XIRP2: variants seen among roughly 807,000 people sequenced by gnomAD.
The protein encoded by XIRP2 is xin actin-binding repeat-containing protein 2.
A neutral mutation model predicts 277.0 loss-of-function variants in XIRP2; 236 were observed. The observed-to-expected ratio is 0.85, with a 90% CI of 0.77 to 0.95. The LOEUF is 0.95. XIRP2 is among the 40% of genes least tolerant of loss of function. The pLI is 0.00. For synonymous variants in XIRP2, 1,490 were observed against 1,416.5 expected (o/e 1.05, Z -1.17); for missense variants, 4,640 against 4,157.5 (o/e 1.12, Z -3.19).
chr2:167,247,720 G>A lies in XIRP2; in HGVS notation c.6328G>A (p.Val2110Ile), dbSNP rs774699070. 4.3e-6 allele frequency: 7 copies of A among 1,613,624 alleles called. No homozygotes were observed. In the South Asian group the frequency reaches 6.6e-5, roughly 15 times the overall value. Residue 2110 changes from valine to isoleucine, a missense_variant, in exon 9 of 11, where the codon GTC (valine) becomes ATC (isoleucine). Physicochemically the swap from Val to Ile is conservative, Grantham distance 29 (BLOSUM62 3). Transcript: ENST00000409195. ...RAVRELKKDD[V>I]FNSIQSAGKT... is the part of the protein sequence containing the mutation. Reference sequence around the variant, plus strand: ...AGTGAGAGAGCTGAAGAAGGATGATGTCTTTAATTCCATCCAATCTGCTGG... The same window carrying A: ...AGTGAGAGAGCTGAAGAAGGATGATATCTTTAATTCCATCCAATCTGCTGG...
intron 1 of XIRP2, among the ~76,000 whole-genome samples, chr2:166,897,827 A>G (rs1438878992): frequency 6.6e-6 from 1 of 152,094 alleles, no homozygotes; most frequent in Admixed American, 6.6e-5. Context: ...TGGCAAGGCC[A>G]TGCAGTGGGG....
Position 167,248,677 on chromosome 2 carries a change from C to G in XIRP2, c.7285C>G (p.Leu2429Val). The G allele has an allele frequency of 1.2e-6, 2 of 1,613,746 alleles. No homozygotes were observed. Among genetic ancestry groups the G allele is most frequent in the Non-Finnish European group, 1.7e-6 (2 of 1,179,832 alleles). Reference sequence around the variant, plus strand: ...ACCTCCCACATTGCCCAAACCCAAACTTCCCAAGCATATAAAAGATAATAA... The same window carrying G: ...ACCTCCCACATTGCCCAAACCCAAAGTTCCCAAGCATATAAAAGATAATAA... ...LPPPTLPKPK[L>V]PKHIKDNKND... The change falls in exon 9 of 11, where the codon CTT becomes GTT. Residue 2429 changes from leucine (L) to valine (V), a missense_variant. Coordinates refer to ENST00000409195, the MANE Select transcript of XIRP2 (RefSeq NM_152381.6).
chr2:167,057,374 T>A (rs11896999), intron 2 of XIRP2, among the ~76,000 whole-genome samples: 6,844 of 152,124 alleles, frequency 0.045, 268 homozygotes, highest in African/African-American at 0.1. Flanking sequence ...CCAAGTGAAT[T>A]TGTGAGCAGA....
In XIRP2 at chr2:167,250,642, G is replaced by A. The variant is rs1695457724; in HGVS notation, c.9250G>A (p.Val3084Ile). 1 of 1,613,466 alleles carries A rather than the reference G, an allele frequency of 6.2e-7. No homozygotes were observed. The highest frequency in any genetic ancestry group is 2.2e-5 in the East Asian group (1 of 44,798). The change falls in exon 9 of 11, where the codon GTA (valine) becomes ATA (isoleucine). Residue 3084 changes from valine to isoleucine, a missense_variant. Physicochemically the swap from Val to Ile is conservative, Grantham distance 29. Coordinates refer to ENST00000409195, the MANE Select transcript of XIRP2 (RefSeq NM_152381.6). ...CAAAGAGAAAACAGTACAGCACCAA[G>A]TAGCAGCTCATCATGAAGCAACTGT... ...IAKEKTVQHQ[V>I]AAHHEATVRS...
chr2:166,943,033 C>A (rs1429734197), intron 2 of XIRP2, among the ~76,000 whole-genome samples: 1 of 151,768 alleles, frequency 6.6e-6, no homozygotes, highest in South Asian at 2.1e-4. Context: ...AATTTAATAC[C>A]ATTAAATACA....
rs561226950 is a variant in XIRP2, at chr2:167,205,324, CT to C, written c.563-5409del. 7.0e-4 allele frequency among the ~76,000 whole-genome samples: 107 copies of C among 152,042 alleles called. 4 individuals are homozygous for C. In the South Asian group the frequency reaches 0.021, roughly 30 times the overall value. The stretch of plus-strand genomic sequence containing the variant: ...TTAGTGAGAATGAATATAAATAAAC[CT>C]TATCAATTATATGATTACTTATACA... On this transcript the variant is annotated intron_variant, in intron 3 of 10. Coordinates refer to ENST00000409195, the MANE Select transcript of XIRP2 (RefSeq NM_152381.6).
At position 167,258,001 on chromosome 2, in the gene XIRP2, AGT is replaced by A; in HGVS notation, c.*186_*187del. 1 of 1,613,230 alleles carries A rather than the reference AGT, an allele frequency of 6.2e-7. No individual in the cohort carries two copies. The highest frequency in any genetic ancestry group is 8.5e-7 in the Non-Finnish European group (1 of 1,179,486). On this transcript the variant is annotated 3_prime_UTR_variant, in exon 11 of 11. Transcript: ENST00000409195. ...GGAACTGCAAAAACCAAAGCAGATCAGTGGACTTTATTCCTAATGAAGAACCA... is the reference window on the plus strand; with the variant it reads ...GGAACTGCAAAAACCAAAGCAGATCAGGACTTTATTCCTAATGAAGAACCA...
chr2:167,091,370 C>T (rs758383982), intron 2 of XIRP2, among the ~76,000 whole-genome samples: 3 of 152,016 alleles, frequency 2.0e-5, no homozygotes, highest in Non-Finnish European at 2.9e-5. Context: ...TGCACTTATC[C>T]GTATTTTGCA....
At chr2:167,195,287 A>G (rs890511380) in intron 3 of XIRP2, among the ~76,000 whole-genome samples, 5 of 152,208 alleles carry the variant, frequency 3.3e-5, no homozygotes, top group Non-Finnish European at 7.3e-5. Flanking sequence ...TTCTTCAACC[A>G]TCTCAACCCT....
At position 167,248,832 on chromosome 2, in the gene XIRP2, CG is replaced by C. The variant is rs761547991; in HGVS notation, c.7441del (p.Val2481LeufsTer39). 252 of 1,613,306 alleles carry C rather than the reference CG, an allele frequency of 1.6e-4. No homozygotes were observed. The highest frequency in any genetic ancestry group is 1.9e-4 in the Non-Finnish European group (219 of 1,179,732). ...SSEHTETKQN[V>X]ISKSLDERKQ... The stretch of plus-strand genomic sequence containing the variant: ...GTGAACACACGGAGACAAAGCAGAA[CG>C]TTATTAGTAAGAGTCTTGATGAAAG... On this transcript the variant is annotated frameshift_variant, in exon 9 of 11. Transcript: ENST00000409195. LOFTEE classifies it high-confidence loss of function.
chr2:167,006,215 T>G (rs1041380997), intron 2 of XIRP2, among the ~76,000 whole-genome samples: 1 of 151,718 alleles, frequency 6.6e-6, no homozygotes, highest in Non-Finnish European at 1.5e-5. Context: ...GGTAAGATAC[T>G]TGGATATGAA....
chr2:167,248,510 C>A lies in XIRP2; in HGVS notation c.7118C>A (p.Ser2373Tyr), dbSNP rs1250834660. ...CCGCCTCCTCCTCCTCCAACTCCATCTCAAAAGCCAGCACATCTCCTTTCC... is the reference window on the plus strand; with the variant it reads ...CCGCCTCCTCCTCCTCCAACTCCATATCAAAAGCCAGCACATCTCCTTTCC... ...FLPPPPPPTP[S>Y]QKPAHLLSSS... The change falls in exon 9 of 11, where the codon TCT (serine) becomes TAT (tyrosine). Residue 2373 changes from serine (S) to tyrosine (Y), a missense_variant. Transcript: ENST00000409195. 1.9e-6 allele frequency: 3 copies of A among 1,613,762 alleles called. No homozygotes were observed. Among genetic ancestry groups the A allele is most frequent in the East Asian group, 2.2e-5 (1 of 44,850 alleles).
rs200023204 is a variant in XIRP2 at position 166,940,822 on chromosome 2, G to GGTA, written c.408+36933_408+36935dup. Among the ~76,000 whole-genome samples the GGTA allele has an allele frequency of 5.1e-3, 780 of 152,256 alleles. 7 individuals carry two copies. Among genetic ancestry groups the GGTA allele is most frequent in the Non-Finnish European group, 9.1e-3 (621 of 68,006 alleles). The stretch of plus-strand genomic sequence containing the variant: ...TCCTCTAGAAGCTTCATCTCAGAGG[G>GGTA]GTACCTGGCCATGTGGGGTGTCAGT... On this transcript the variant is annotated intron_variant, in intron 2 of 10. Transcript: ENST00000409195.
At position 167,241,769 on chromosome 2, in the gene XIRP2, G is replaced by T; in HGVS notation, c.1043-8G>T. 2 of 1,597,872 alleles carry T rather than the reference G, an allele frequency of 1.3e-6. No individual in the cohort carries two copies. Among genetic ancestry groups the T allele is most frequent in the Non-Finnish European group, 8.5e-7 (1 of 1,174,294 alleles). Reference sequence around the variant, plus strand: ...CATAGTAACCCTGGTGTGTTTTTCTGTTTGTAGTCATTGATACACCTGAGG... The same window carrying T: ...CATAGTAACCCTGGTGTGTTTTTCTTTTTGTAGTCATTGATACACCTGAGG... On this transcript the variant is annotated splice_polypyrimidine_tract_variant and splice_region_variant and intron_variant, in intron 7 of 10. Transcript: ENST00000409195.
chr2:167,023,599 T>A (rs1688052433), intron 2 of XIRP2, among the ~76,000 whole-genome samples: 1 of 152,232 alleles, frequency 6.6e-6, no homozygotes, highest in Non-Finnish European at 1.5e-5. Context: ...GTCAAACATG[T>A]AAGTCTTTAA....
chr2:167,087,089 C>A (rs1426292241), intron 2 of XIRP2, among the ~76,000 whole-genome samples: 1 of 151,654 alleles, frequency 6.6e-6, no homozygotes, highest in Non-Finnish European at 1.5e-5. Context: ...TACTTTTGGT[C>A]TTTGATGATG....
chr2:167,197,030 G>A (rs1480582142), intron 3 of XIRP2, among the ~76,000 whole-genome samples: 1 of 152,174 alleles, frequency 6.6e-6, no homozygotes, highest in Non-Finnish European at 1.5e-5. Context: ...TTTGGCAGAA[G>A]TTACATTTGG....
intron 2 of XIRP2, among the ~76,000 whole-genome samples, chr2:166,951,074 A>C (rs1395484241): frequency 2.0e-5 from 3 of 152,054 alleles, no homozygotes; most frequent in African/African-American, 7.2e-5. Context: ...AGGGATATAA[A>C]AACGACGGAG....
intron 5 of XIRP2, among the ~76,000 whole-genome samples, chr2:167,233,855 T>C (rs1694826449): frequency 6.6e-6 from 1 of 151,740 alleles, no homozygotes; most frequent in Non-Finnish European, 1.5e-5. Context: ...AAATATTATA[T>C]ACATATATAT....
Sources: allele counts gnomAD v4.1 joint callset (sites outside exome capture counted in the v4.1 genomes callset), GRCh38; gene constraint gnomAD v4.1.1; transcripts MANE v1.5; gene names NCBI Gene and HGNC (gene_info 2026-07-23, HGNC 2026-07-21).